The following TDRD7 variants were observed in gnomAD, a reference collection of about 807,000 sequenced individuals.
TDRD7 encodes tudor domain containing 7.
A neutral mutation model predicts 109.8 loss-of-function variants in TDRD7; 47 were observed. The observed-to-expected ratio is 0.43, with a 90% confidence interval of 0.34 to 0.55. The LOEUF is 0.55. Among genes scored for constraint, TDRD7 ranks in the 20% least tolerant of loss-of-function variants. The pLI, the probability that TDRD7 is intolerant of heterozygous loss-of-function variation, is 0.03. For missense variants in TDRD7, 1,164 were observed against 1,319.2 expected (o/e 0.88, Z 1.82); for synonymous variants, 424 against 457.3 (o/e 0.93, Z 0.93).
rs1829060150 is a variant in TDRD7 at position 97,478,426 on chromosome 9, T to TA, written c.2167-12dup. The TA allele has an allele frequency of 3.1e-6, 5 of 1,613,896 alleles. No individual in the cohort carries two copies. The East Asian group carries it at 8.9e-5, about 29-fold the overall frequency. On this transcript the variant is annotated splice_polypyrimidine_tract_variant and intron_variant, in intron 12 of 16. Transcript: ENST00000355295. ...ATATGCTAATAAATGAGCCAACACT[T>TA]ATCTCATTTCAGATCACAAATGTTC...
intron 4 of TDRD7, among the ~76,000 whole-genome samples, chr9:97,433,856 C>G (rs1344061570): frequency 6.6e-6 from 1 of 151,978 alleles, no homozygotes; most frequent in African/African-American, 2.4e-5. Flanking sequence ...TATCAAAACG[C>G]AGAAAATAAC....
rs1396055073 is a variant in TDRD7 at position 97,494,710 on chromosome 9, ATATTT to A, written c.3077-951_3077-947del. On this transcript the variant is annotated intron_variant, in intron 16 of 16. Transcript: ENST00000355295. The stretch of plus-strand genomic sequence containing the variant: ...TATATATATGTATATATATATATAT[ATATTT>A]TTTTTTTTTTCGAGAGGGTCTCACT... Among the ~76,000 whole-genome samples the A allele has an allele frequency of 2.0e-3, 203 of 99,714 alleles. 1 individual carries two copies. Among genetic ancestry groups the A allele is most frequent in the South Asian group, 6.8e-3 (21 of 3,072 alleles). 65.4% of individuals were successfully genotyped at this position (99,714 alleles called of 152,430 possible). A position where few individuals can be genotyped will look rare whatever the true frequency, so the allele number is the denominator to read the frequency against.
chr9:97,486,448 A>G (rs1273510998), intron 15 of TDRD7, among the ~76,000 whole-genome samples: 1 of 152,056 alleles, frequency 6.6e-6, no homozygotes, highest in African/African-American at 2.4e-5. Context: ...ATCTGAAGCC[A>G]TACTCCACCT....
intron 7 of TDRD7, among the ~76,000 whole-genome samples, chr9:97,462,295 A>G (rs766832751): frequency 5.3e-5 from 8 of 152,214 alleles, no homozygotes; most frequent in Non-Finnish European, 1.2e-4. Context: ...TTTGTCAAGG[A>G]TGATTATGTC....
intron 4 of TDRD7, among the ~76,000 whole-genome samples, chr9:97,433,091 G>C (rs1450762533): frequency 6.6e-6 from 1 of 152,084 alleles, no homozygotes; most frequent in Non-Finnish European, 1.5e-5. Flanking sequence ...TGTCCTACTT[G>C]TGCCTTTTCA....
chr9:97,420,556 A>T (rs115125649), intron 1 of TDRD7, among the ~76,000 whole-genome samples: 120 of 152,296 alleles, frequency 7.9e-4, no homozygotes, highest in African/African-American at 2.8e-3. Context: ...TTTTGTGTCC[A>T]GCTTTTTCCT....
chr9:97,461,898 A>C (rs1828731620), intron 7 of TDRD7, among the ~76,000 whole-genome samples: 1 of 152,236 alleles, frequency 6.6e-6, no homozygotes, highest in South Asian at 2.1e-4. Flanking sequence ...CCTTCAATGA[A>C]AGAAGAGCTC....
intron 16 of TDRD7, among the ~76,000 whole-genome samples, chr9:97,489,145 T>G (rs1829260602): frequency 6.6e-6 from 1 of 152,240 alleles, no homozygotes; most frequent in Non-Finnish European, 1.5e-5. Context: ...CTATAGATGT[T>G]AATTACATCC....
chr9:97,450,442 G>A (rs190200750), intron 6 of TDRD7, among the ~76,000 whole-genome samples: 6 of 152,330 alleles, frequency 3.9e-5, no homozygotes, highest in African/African-American at 1.4e-4. Flanking sequence ...TCTACCTGAA[G>A]TGGTTAGCAG....
intron 8 of TDRD7, among the ~76,000 whole-genome samples, chr9:97,470,222 A>G (rs1828887488): frequency 6.6e-6 from 1 of 152,216 alleles, no homozygotes; most frequent in Non-Finnish European, 1.5e-5. Context: ...TGAAAGCACC[A>G]AAGGGGAGGG....
At chr9:97,447,050 G>T (rs930920504) in intron 6 of TDRD7, among the ~76,000 whole-genome samples, 2 of 152,140 alleles carry the variant, frequency 1.3e-5, no homozygotes, top group Non-Finnish European at 2.9e-5. Flanking sequence ...CCAGTGAAAA[G>T]AAATATATAA....
At chr9:97,470,876 T>C (rs1037563197) in intron 9 of TDRD7, among the ~76,000 whole-genome samples, 1 of 152,258 alleles carries the variant, frequency 6.6e-6, no homozygotes, top group Non-Finnish European at 1.5e-5. Context: ...TATAAAAACG[T>C]ATTATAATTT....
intron 6 of TDRD7, among the ~76,000 whole-genome samples, chr9:97,455,599 A>G (rs1399452403): frequency 6.6e-6 from 1 of 152,260 alleles, no homozygotes; most frequent in African/African-American, 2.4e-5. Context: ...ATAGATGCAG[A>G]AAAGGCCTTT....
chr9:97,425,444 A>T (rs909272223), intron 1 of TDRD7, among the ~76,000 whole-genome samples: 1 of 152,218 alleles, frequency 6.6e-6, no homozygotes, highest in Admixed American at 6.5e-5. Flanking sequence ...AGCATGCTGT[A>T]CAGGTGTGTA....
At chr9:97,485,843 C>A (rs78137037) in intron 15 of TDRD7, among the ~76,000 whole-genome samples, 4 of 152,076 alleles carry the variant, frequency 2.6e-5, no homozygotes, top group Admixed American at 6.5e-5. Context: ...CTATTTGGCC[C>A]CCAAAACTCA....
At chr9:97,433,625 A>C (rs1828143442) in intron 4 of TDRD7, among the ~76,000 whole-genome samples, 1 of 152,144 alleles carries the variant, frequency 6.6e-6, no homozygotes, top group African/African-American at 2.4e-5. Flanking sequence ...ATACCTGATA[A>C]GGGCTTAATA....
At chr9:97,421,574 A>C (rs1008402481) in intron 1 of TDRD7, among the ~76,000 whole-genome samples, 1 of 152,014 alleles carries the variant, frequency 6.6e-6, no homozygotes, top group Admixed American at 6.6e-5. Flanking sequence ...TTTTGATGAG[A>C]TCCAATTTGT....
In TDRD7 at chr9:97,494,178, A is replaced by T. The variant is rs4742695; in HGVS notation, c.3077-1485A>T. Among the ~76,000 whole-genome samples the T allele has an allele frequency of 7.8e-3, 1,179 of 151,348 alleles. 23 individuals are homozygous for T. The highest frequency in any genetic ancestry group is 0.027 in the African/African-American group (1,127 of 41,268). ...GTTCAGAGATTGCAGTAAAGACAGG[A>T]GTAAGAAATTATAAAAGTATTAATT... On this transcript the variant is annotated intron_variant, in intron 16 of 16. Transcript: ENST00000355295.
chr9:97,481,153 T>C (rs548782904), intron 14 of TDRD7, among the ~76,000 whole-genome samples: 1 of 152,374 alleles, frequency 6.6e-6, no homozygotes, highest in Admixed American at 6.5e-5. Context: ...TCCAGTATTA[T>C]TTTTAAATCC....
Sources: gnomAD v4.1 joint callset for allele counts (sites outside exome capture counted in the v4.1 genomes callset) on GRCh38, gnomAD v4.1.1 for gene constraint, MANE v1.5 for transcripts, NCBI Gene and HGNC (gene_info 2026-07-23, HGNC 2026-07-21) for gene names.